The following LAMA2 variants were observed in gnomAD, a reference collection of about 807,000 sequenced individuals.
LAMA2 encodes the protein laminin subunit alpha-2.
LAMA2 carries 269 observed loss-of-function variants against 364.8 expected under a neutral mutation model. That is an observed-to-expected ratio of 0.74 (90% confidence interval 0.67 to 0.82). The LOEUF (loss-of-function observed/expected upper bound fraction) is 0.82. Among genes scored for constraint, LAMA2 ranks in the 40% least tolerant of loss-of-function variants. LAMA2 has a pLI of 0.00. For missense variants in LAMA2, 3,807 were observed against 3,873.2 expected, an observed-to-expected ratio of 0.98 and a Z score of 0.45; for synonymous variants, 1,379 against 1,370.6, an observed-to-expected ratio of 1.01 and a Z score of -0.14.
chr6:129,367,371 G>A (rs1241191558), intron 33 of LAMA2, among the ~76,000 whole-genome samples: 2 of 152,124 alleles, frequency 1.3e-5, no homozygotes. Context: ...TAGATTCTAT[G>A]TGCTTTAAAA....
chr6:129,396,550 T>C (rs1329176301), intron 37 of LAMA2, among the ~76,000 whole-genome samples: 1 of 152,044 alleles, frequency 6.6e-6, no homozygotes, highest in Admixed American at 6.6e-5. Flanking sequence ...ATAGAAGGCT[T>C]TGGATGCAGC....
intron 40 of LAMA2, among the ~76,000 whole-genome samples, chr6:129,426,923 C>T (rs1196325168): frequency 6.6e-6 from 1 of 152,176 alleles, no homozygotes; most frequent in Non-Finnish European, 1.5e-5. Context: ...ATTTAGCACT[C>T]TCCAACCCTT....
chr6:129,178,085 G>C (rs547647701), intron 10 of LAMA2, among the ~76,000 whole-genome samples: 2 of 152,224 alleles, frequency 1.3e-5, no homozygotes, highest in African/African-American at 4.8e-5. Context: ...CACGTTTAAA[G>C]GCTTGTTATT....
chr6:129,225,840 T>A (rs1370916140), intron 12 of LAMA2, among the ~76,000 whole-genome samples: 2 of 152,210 alleles, frequency 1.3e-5, no homozygotes, highest in Non-Finnish European at 2.9e-5. Flanking sequence ...TCTGCAAATG[T>A]CTATTAGGTC....
chr6:129,507,628 G>T lies in LAMA2; in HGVS notation c.8843G>T (p.Gly2948Val). ...AGGGGAACATATTTTGACGGAACCG[G>T]TTTTGCCAAAGCAGGTAAGGCTCTT... ...AQRGTYFDGT[G>V]FAKAVGGFKV... The change falls in exon 62 of 65, where the codon GGT (glycine) becomes GTT (valine). Residue 2948 changes from glycine to valine, a missense_variant. Transcript: ENST00000421865. The T allele has an allele frequency of 6.2e-7, 1 of 1,614,148 alleles. No homozygotes were observed. Among genetic ancestry groups the T allele is most frequent in the Non-Finnish European group, 8.5e-7 (1 of 1,180,000 alleles).
intron 41 of LAMA2, among the ~76,000 whole-genome samples, chr6:129,431,454 A>G (rs867658928): frequency 7.2e-5 from 11 of 152,044 alleles, no homozygotes; most frequent in Middle Eastern, 3.4e-3. Context: ...CACAGGAAAT[A>G]AAAAGACCTA....
At chr6:129,256,908 G>A (rs1422444971) in intron 14 of LAMA2, among the ~76,000 whole-genome samples, 1 of 150,288 alleles carries the variant, frequency 6.7e-6, no homozygotes, top group Non-Finnish European at 1.5e-5. Flanking sequence ...TACTCTGGTG[G>A]GAAATGTAGT....
At chr6:128,895,909 G>A (rs1012202641) in intron 1 of LAMA2, among the ~76,000 whole-genome samples, 5 of 152,082 alleles carry the variant, frequency 3.3e-5, no homozygotes, top group African/African-American at 1.2e-4. Flanking sequence ...AACCTAAAAC[G>A]TGATTCTTTT....
At chr6:129,297,609 C>A in intron 20 of LAMA2, 76 bp from the exon 21 acceptor site, 1 of 1,371,084 alleles carries the variant, frequency 7.3e-7, no homozygotes, top group Non-Finnish European at 1.0e-6. Flanking sequence ...CCCACCTGAT[C>A]TTTGGTATTG....
chr6:129,286,288 A>T (rs532990631), intron 18 of LAMA2, among the ~76,000 whole-genome samples: 4 of 151,840 alleles, frequency 2.6e-5, no homozygotes, highest in African/African-American at 7.3e-5. Flanking sequence ...TAGCCTGACC[A>T]TAAGATTCAG....
chr6:128,945,408 C>G (rs1411716145), intron 1 of LAMA2, among the ~76,000 whole-genome samples: 1 of 152,164 alleles, frequency 6.6e-6, no homozygotes, highest in Non-Finnish European at 1.5e-5. Context: ...ATCTGTGTCA[C>G]TCAAATACAG....
intron 1 of LAMA2, among the ~76,000 whole-genome samples, chr6:128,891,306 G>C (rs1168220216): frequency 6.6e-6 from 1 of 152,038 alleles, no homozygotes; most frequent in African/African-American, 2.4e-5. Flanking sequence ...CTTTCGAGTT[G>C]CTTGTAACTT....
intron 30 of LAMA2, among the ~76,000 whole-genome samples, chr6:129,348,696 G>T (rs1300673169): frequency 6.6e-6 from 1 of 152,026 alleles, no homozygotes; most frequent in Non-Finnish European, 1.5e-5. Flanking sequence ...CATTTTCATA[G>T]AAAAAGCTTT....
intron 6 of LAMA2, among the ~76,000 whole-genome samples, chr6:129,147,829 A>G (rs542633001): frequency 7.9e-4 from 121 of 152,228 alleles, no homozygotes; most frequent in Non-Finnish European, 8.1e-4. Context: ...TTATAATGTT[A>G]TCTCCTAGGA....
intron 1 of LAMA2, among the ~76,000 whole-genome samples, chr6:128,935,473 A>G (rs1779762160): frequency 6.6e-6 from 1 of 152,124 alleles, no homozygotes; most frequent in African/African-American, 2.4e-5. Flanking sequence ...ATTGATGGAC[A>G]TTTGGGTTGG....
intron 32 of LAMA2, among the ~76,000 whole-genome samples, chr6:129,355,814 G>A (rs537759338): frequency 9.2e-5 from 14 of 152,196 alleles, no homozygotes; most frequent in African/African-American, 3.1e-4. Context: ...ATATAATTTA[G>A]ACTGATCCAC....
chr6:128,885,809 T>C (rs976126918), intron 1 of LAMA2, among the ~76,000 whole-genome samples: 2 of 152,224 alleles, frequency 1.3e-5, no homozygotes, highest in African/African-American at 4.8e-5. Flanking sequence ...ATGTGGTTTC[T>C]ATAGCATACT....
chr6:129,192,646 TA>T (rs765221914), intron 11 of LAMA2, 33 bp from the exon 12 acceptor site: 1 of 1,600,442 alleles, frequency 6.2e-7, no homozygotes, highest in Non-Finnish European at 8.6e-7. Context: ...AGATATTTTT[TA>T]AAAATTAATG....
At chr6:129,164,560 A>G (rs1272654369) in intron 8 of LAMA2, among the ~76,000 whole-genome samples, 1 of 152,208 alleles carries the variant, frequency 6.6e-6, no homozygotes, top group African/African-American at 2.4e-5. Context: ...AGTGATCACC[A>G]TGAAGTCATG....
Sources: gnomAD v4.1 joint callset for allele counts (sites outside exome capture counted in the v4.1 genomes callset) on GRCh38, gnomAD v4.1.1 for gene constraint, MANE v1.5 for transcripts, NCBI Gene and HGNC (gene_info 2026-07-23, HGNC 2026-07-21) for gene names.